ZNF660: variants seen among roughly 807,000 people sequenced by gnomAD.
ZNF660 encodes zinc finger protein 660.
In ZNF660, 24 loss-of-function variants were observed where a neutral mutation model predicts 23.2. The observed-to-expected ratio is 1.04, with a 90% CI of 0.75 to 1.46. The LOEUF (loss-of-function observed/expected upper bound fraction) is 1.46. ZNF660 is among the 40% of genes most tolerant of loss of function. ZNF660 has a pLI of 0.00. For missense variants in ZNF660, 373 were observed against 396.8 expected, an observed-to-expected ratio of 0.94 and a Z score of 0.51; for synonymous variants, 117 against 131.4, an observed-to-expected ratio of 0.89 and a Z score of 0.75.
chr3:44,594,476 G>T lies in ZNF660; in HGVS notation c.283G>T (p.Val95Phe), dbSNP rs1700540957. ...TTTCAGTCATAGCTCTAACCTTGTT[G>T]TTCATCGGAGAATCCACACTGGACT... ...KAFSHSSNLV[V>F]HRRIHTGLKP... is the part of the protein sequence containing the mutation. The change falls in exon 3 of 3, where the codon GTT (valine) becomes TTT (phenylalanine). Residue 95 changes from valine to phenylalanine, a missense_variant. By Grantham distance (50) the Val-to-Phe change is conservative. Coordinates refer to ENST00000322734, the MANE Select transcript of ZNF660 (RefSeq NM_173658.4). 2.5e-6 allele frequency: 4 copies of T among 1,614,160 alleles called. No individual in the cohort carries two copies. Among genetic ancestry groups the T allele is most frequent in the Non-Finnish European group, 3.4e-6 (4 of 1,180,044 alleles).
intron 2 of ZNF660, among the ~76,000 whole-genome samples, chr3:44,587,776 G>A (rs1019717892): frequency 2.6e-5 from 4 of 152,206 alleles, no homozygotes; most frequent in South Asian, 2.1e-4. Flanking sequence ...AATACCAGCC[G>A]GGCGCGGTGG....
chr3:44,593,944 T>G, intron 2 of ZNF660, 70 bp from the exon 3 acceptor site: 1 of 589,762 alleles, frequency 1.7e-6, no homozygotes, highest in Non-Finnish European at 3.2e-6. Context: ...CCACATCTTG[T>G]CCGTGGATAG....
chr3:44,589,740 C>G (rs1700353096), intron 2 of ZNF660, among the ~76,000 whole-genome samples: 1 of 152,184 alleles, frequency 6.6e-6, no homozygotes, highest in Non-Finnish European at 1.5e-5. Flanking sequence ...TATTTTTCAT[C>G]TTGTAATTTC....
intron 2 of ZNF660, among the ~76,000 whole-genome samples, chr3:44,590,998 C>A (rs2125748770): frequency 6.6e-6 from 1 of 152,282 alleles, no homozygotes; most frequent in South Asian, 2.1e-4. Flanking sequence ...TCAGTGGCCA[C>A]CCGCATTTCT....
At chr3:44,592,707 C>T (rs576461608) in intron 2 of ZNF660, among the ~76,000 whole-genome samples, 1 of 152,328 alleles carries the variant, frequency 6.6e-6, no homozygotes, top group Admixed American at 6.5e-5. Flanking sequence ...TAGTCTCAGT[C>T]TGTCAGAGTG....
rs764220186 is a variant in ZNF660 at position 44,594,968 on chromosome 3, C to A, written c.775C>A (p.Arg259=). The stretch of plus-strand genomic sequence containing the variant: ...GTGTGGGAAGGCTTTTACTTCTAAT[C>A]GAAACCTTGTTGATCATCAGAGAGT... The part of the protein sequence containing the change: ...NECGKAFTSN[R]NLVDHQRVHT... The change falls in exon 3 of 3, where the codon CGA becomes AGA. Residue 259 remains arginine, a synonymous_variant. Coordinates refer to ENST00000322734, the MANE Select transcript of ZNF660 (RefSeq NM_173658.4). 1.2e-6 allele frequency: 2 copies of A among 1,613,796 alleles called. No individual in the cohort carries two copies.
Position 44,594,432 on chromosome 3 carries a change from G to C in ZNF660, c.239G>C (p.Cys80Ser). Residue 80 changes from cysteine (C) to serine (S), a missense_variant, in exon 3 of 3, where the codon TGT becomes TCT. Cys to Ser is a moderately radical substitution (Grantham distance 112). Transcript: ENST00000322734. The stretch of plus-strand genomic sequence containing the variant: ...CACACGGGAGAGAAACCCTATAAGT[G>C]TAAGGAGTGTGGAAAAGCTTTCAGT... ...RIHTGEKPYK[C>S]KECGKAFSHS... is the part of the protein sequence containing the mutation. 10 of 1,614,106 alleles carry C rather than the reference G, an allele frequency of 6.2e-6. No homozygotes were observed. Among genetic ancestry groups the C allele is most frequent in the Non-Finnish European group, 7.6e-6 (9 of 1,180,026 alleles).
In ZNF660 at chr3:44,597,108, C is replaced by A. The variant is rs147331267; in HGVS notation, c.*1919C>A. On this transcript the variant is annotated 3_prime_UTR_variant, in exon 3 of 3. Coordinates refer to ENST00000322734, the MANE Select transcript of ZNF660 (RefSeq NM_173658.4). The surrounding 1 kb of genome is among the most constrained non-coding windows in gnomAD (Gnocchi z 4.1). The stretch of plus-strand genomic sequence containing the variant: ...TCTATTATACAAGAAAATTGAGTGT[C>A]ATTGAGGTTAGGTGACTGGCTAGTA... 1 of 152,282 alleles carries A rather than the reference C, an allele frequency of 6.6e-6. No homozygotes were observed. The highest frequency in any genetic ancestry group is 1.9e-4 in the East Asian group (1 of 5,184). The allele number at this position is 152,282 out of a possible 1,614,324, so 9.4% of individuals were successfully genotyped here. A position where few individuals can be genotyped will look rare whatever the true frequency, so the allele number is the denominator to read the frequency against.
rs1575411723 is a variant in ZNF660, at chr3:44,596,659, A to C, written c.*1470A>C. The stretch of plus-strand genomic sequence containing the variant: ...AGCATGTTGACTTTCATTTTTCATA[A>C]CCTCATGGTGGCAAGACAGTGGCCA... On this transcript the variant is annotated 3_prime_UTR_variant, in exon 3 of 3. Transcript: ENST00000322734. 2 of 152,164 alleles carry C rather than the reference A, an allele frequency of 1.3e-5. No individual in the cohort carries two copies. The highest frequency in any genetic ancestry group is 2.9e-5 in the Non-Finnish European group (2 of 68,032). The allele number at this position is 152,164 out of a possible 1,614,324, so 9.4% of individuals were successfully genotyped here. A position where few individuals can be genotyped will look rare whatever the true frequency, so the allele number is the denominator to read the frequency against.
rs1700615289 is a variant in ZNF660 at position 44,596,554 on chromosome 3, G to C, written c.*1365G>C. The C allele has an allele frequency of 6.6e-6, 1 of 152,196 alleles. No homozygotes were observed. Among genetic ancestry groups the C allele is most frequent in the South Asian group, 2.1e-4 (1 of 4,830 alleles). 9.4% of individuals were successfully genotyped at this position (152,196 alleles called of 1,614,324 possible). On this transcript the variant is annotated 3_prime_UTR_variant, in exon 3 of 3. Coordinates refer to ENST00000322734, the MANE Select transcript of ZNF660 (RefSeq NM_173658.4). The stretch of plus-strand genomic sequence containing the variant: ...AGAACATTGATTGATTGCTTAAGGG[G>C]AATCTAGAGGTAAGCAGTGCTATGT...
chr3:44,589,560 G>T (rs1700345106), intron 2 of ZNF660, among the ~76,000 whole-genome samples: 1 of 152,184 alleles, frequency 6.6e-6, no homozygotes, highest in African/African-American at 2.4e-5. Context: ...TAGGGGAAGT[G>T]CATGGTAATG....
At chr3:44,587,523 A>G (rs1409629270) in intron 2 of ZNF660, among the ~76,000 whole-genome samples, 1 of 152,148 alleles carries the variant, frequency 6.6e-6, no homozygotes, top group African/African-American at 2.4e-5. Context: ...CTACTTCCTT[A>G]GTACCTAGGA....
At position 44,598,538 on chromosome 3, in the gene ZNF660, C is replaced by G. The variant is rs1190678670; in HGVS notation, c.*3349C>G. The stretch of plus-strand genomic sequence containing the variant: ...CTGGAGTGCAATGGCGTGATATCGG[C>G]TCACTGCAACCTCTGCCTCCTGGGT... On this transcript the variant is annotated 3_prime_UTR_variant, in exon 3 of 3. Coordinates refer to ENST00000322734, the MANE Select transcript of ZNF660 (RefSeq NM_173658.4). 1 of 152,208 alleles carries G rather than the reference C, an allele frequency of 6.6e-6. No homozygotes were observed. The highest frequency in any genetic ancestry group is 1.5e-5 in the Non-Finnish European group (1 of 68,158). The allele number at this position is 152,208 out of a possible 1,614,324, so 9.4% of individuals were successfully genotyped here.
Position 44,596,335 on chromosome 3 carries a change from TTAAG to T in ZNF660, c.*1148_*1151del. The T allele has an allele frequency of 6.6e-6, 1 of 152,268 alleles. No homozygotes were observed. The highest frequency in any genetic ancestry group is 1.5e-5 in the Non-Finnish European group (1 of 68,028). 9.4% of individuals were successfully genotyped at this position (152,268 alleles called of 1,614,324 possible). A position where few individuals can be genotyped will look rare whatever the true frequency, so the allele number is the denominator to read the frequency against. On this transcript the variant is annotated 3_prime_UTR_variant, in exon 3 of 3. Transcript: ENST00000322734. ...CTACCTTACAAGGTTGTTGTGAGGA[TTAAG>T]TGAGTAATGCATGAAATATATGATA...
Position 44,595,327 on chromosome 3 carries a change from G to C in ZNF660, c.*138G>C. On this transcript the variant is annotated 3_prime_UTR_variant, in exon 3 of 3. Coordinates refer to ENST00000322734, the MANE Select transcript of ZNF660 (RefSeq NM_173658.4). ...TAGAAGTAGACAAAGATTAATGAAA[G>C]GGATGTTCATGACAGCATCATATAC... 1 of 1,026,654 alleles carries C rather than the reference G, an allele frequency of 9.7e-7. No individual in the cohort carries two copies. Among genetic ancestry groups the C allele is most frequent in the East Asian group, 2.6e-5 (1 of 37,736 alleles). The allele number at this position is 1,026,654 out of a possible 1,614,324, so 63.6% of individuals were successfully genotyped here.
In ZNF660 at chr3:44,594,745, C is replaced by G. The variant is rs745984158; in HGVS notation, c.552C>G (p.His184Gln). ...SSNLTQHQRM[H>Q]RGKKVYKCKE... ...ACCTTACTCAACATCAGCGAATGCACAGAGGAAAAAAAGTTTACAAATGTA... is the reference window on the plus strand; with the variant it reads ...ACCTTACTCAACATCAGCGAATGCAGAGAGGAAAAAAAGTTTACAAATGTA... The change falls in exon 3 of 3, where the codon CAC becomes CAG. Residue 184 changes from histidine to glutamine, a missense_variant. Transcript: ENST00000322734. The G allele has an allele frequency of 6.2e-7, 1 of 1,613,788 alleles. No homozygotes were observed. The highest frequency in any genetic ancestry group is 1.3e-5 in the African/African-American group (1 of 74,924).
chr3:44,587,341 C>T (rs1700259836), intron 2 of ZNF660: 1 of 152,190 alleles, frequency 6.6e-6, no homozygotes, highest in South Asian at 2.1e-4. Flanking sequence ...GATTAGAACA[C>T]TTACCTACCA....
In ZNF660 at chr3:44,595,110, A is replaced by C. The variant is rs1700569791; in HGVS notation, c.917A>C (p.Glu306Ala). The C allele has an allele frequency of 7.4e-6, 12 of 1,613,928 alleles. No homozygotes were observed. Among genetic ancestry groups the C allele is most frequent in the Non-Finnish European group, 1.0e-5 (12 of 1,179,934 alleles). ...AAGGAGAAACCCTATAAATGTAGTG[A>C]GTGTGGGAAAGCCTATCGGTATAGT... The part of the protein sequence containing the change: ...HTKEKPYKCS[E>A]CGKAYRYSSQ... Residue 306 changes from glutamate to alanine, a missense_variant, in exon 3 of 3, where the codon GAG becomes GCG. Physicochemically the swap from Glu to Ala is moderately radical, Grantham distance 107 (BLOSUM62 -1). Transcript: ENST00000322734.
chr3:44,588,064 A>G (rs1001817642), intron 2 of ZNF660, among the ~76,000 whole-genome samples: 3 of 151,938 alleles, frequency 2.0e-5, no homozygotes, highest in Non-Finnish European at 4.4e-5. Flanking sequence ...TCAGAAAAAA[A>G]GAAAGAAAGA....
Sources: allele counts gnomAD v4.1 joint callset (sites outside exome capture counted in the v4.1 genomes callset), GRCh38; gene constraint gnomAD v4.1.1; non-coding constraint Gnocchi (gnomAD v3.1); transcripts MANE v1.5; gene names NCBI Gene and HGNC (gene_info 2026-07-23, HGNC 2026-07-21).